The following FBXO25 variants were observed in gnomAD, a reference collection of about 807,000 sequenced individuals.
FBXO25 encodes the protein F-box only protein 25.
A neutral mutation model predicts 51.9 loss-of-function variants in FBXO25; 45 were observed. That is an observed-to-expected ratio of 0.87 (90% CI 0.68 to 1.11). The LOEUF (loss-of-function observed/expected upper bound fraction) is 1.11. Among genes scored for constraint, FBXO25 ranks in the 50% most tolerant of loss-of-function variants. The pLI is 0.00. For synonymous variants in FBXO25, 199 were observed against 151.0 expected, an observed-to-expected ratio of 1.32 and a Z score of -2.33; for missense variants, 507 against 428.5, an observed-to-expected ratio of 1.18 and a Z score of -1.62.
intron 1 of FBXO25, among the ~76,000 whole-genome samples, chr8:410,694 A>G (rs1410400954): frequency 6.6e-6 from 1 of 152,196 alleles, no homozygotes; most frequent in Non-Finnish European, 1.5e-5. Context: ...TGAGTTTTGC[A>G]TTTTAGGATG....
At chr8:467,065 G>A (rs1800211718) in intron 9 of FBXO25, among the ~76,000 whole-genome samples, 1 of 152,134 alleles carries the variant, frequency 6.6e-6, no homozygotes, top group South Asian at 2.1e-4. Context: ...AGCAAAGTTG[G>A]AGCCAGAATC....
intron 2 of FBXO25, among the ~76,000 whole-genome samples, chr8:417,940 G>A (rs538532103): frequency 8.5e-5 from 13 of 152,064 alleles, no homozygotes; most frequent in South Asian, 2.1e-4. Context: ...TAATAGAATC[G>A]TATATTTAAA....
chr8:449,902 T>C (rs1008494803), intron 5 of FBXO25, 88 bp from the exon 6 acceptor site: 1 of 871,034 alleles, frequency 1.1e-6, no homozygotes, highest in African/African-American at 1.7e-5. Context: ...ATGTTAGAAA[T>C]CTTCATGCAT....
chr8:434,236 C>T (rs1323287037), intron 4 of FBXO25, among the ~76,000 whole-genome samples: 5 of 152,100 alleles, frequency 3.3e-5, no homozygotes, highest in Non-Finnish European at 5.9e-5. Flanking sequence ...GGTGTCTCAC[C>T]GCTTCCGAGG....
At chr8:415,751 A>G (rs939943142) in intron 2 of FBXO25, among the ~76,000 whole-genome samples, 6 of 152,206 alleles carry the variant, frequency 3.9e-5, no homozygotes, top group Non-Finnish European at 8.8e-5. Context: ...TCTTCTCTCC[A>G]GCGTAGTGTT....
intron 8 of FBXO25, 88 bp from the exon 9 acceptor site, chr8:462,919 A>G (rs1799909699): frequency 6.9e-7 from 1 of 1,457,452 alleles, no homozygotes; most frequent in Non-Finnish European, 9.2e-7. Context: ...GAAATTAAAA[A>G]CTAAAATAAA....
Position 422,244 on chromosome 8 carries a change from A to G in FBXO25, c.134+9031A>G, listed in dbSNP as rs146259070. 9.8e-5 allele frequency among the ~76,000 whole-genome samples: 15 copies of G among 152,358 alleles called. 1 individual carries two copies. Among genetic ancestry groups the G allele is most frequent in the African/African-American group, 2.4e-4 (10 of 41,592 alleles). ...CCCCAACCAAGAACTCAAAGGTGGC[A>G]TCATATTGGCAGCAGGTACCTGTGG... On this transcript the variant is annotated intron_variant, in intron 2 of 9. Transcript: ENST00000350302.
At chr8:453,417 C>T (rs78068427) in intron 7 of FBXO25, among the ~76,000 whole-genome samples, 4,537 of 152,052 alleles carry the variant, frequency 0.03, 202 homozygotes, top group African/African-American at 0.091. Flanking sequence ...CTTCTAGCCT[C>T]GAGGAGGGTC....
At chr8:467,729 C>T (rs762304042) in intron 9 of FBXO25, 9 of 1,613,940 alleles carry the variant, frequency 5.6e-6, no homozygotes, top group East Asian at 2.2e-5. Context: ...GGACTACCAT[C>T]TTGCTTTACT....
Position 451,460 on chromosome 8 carries a change from A to G in FBXO25, c.660+7A>G, listed in dbSNP as rs761844002. 5 of 1,611,924 alleles carry G rather than the reference A, an allele frequency of 3.1e-6. No individual in the cohort carries two copies. The South Asian group carries it at 3.3e-5, about 11-fold the overall frequency. ...GGATCTTCAGATGACTAAGGTATAA[A>G]TATCTCGGCATAAGAGTTATTACAC... On this transcript the variant is annotated splice_region_variant and intron_variant, in intron 7 of 9. Coordinates refer to ENST00000350302, the MANE Select transcript of FBXO25 (RefSeq NM_183420.2).
chr8:413,603 A>ACTTTGCTCGTAACATTGTCAAG (rs1397221965), intron 2 of FBXO25, among the ~76,000 whole-genome samples: 2 of 152,134 alleles, frequency 1.3e-5, no homozygotes, highest in Non-Finnish European at 2.9e-5. Flanking sequence ...TGGCATGATG[A>ACTTTGCTCGTAACATTGTCAAG]CTTTGCTCGT....
rs528000402 is a variant in FBXO25, at chr8:463,960, C to CTA, written c.987+811_987+812insAT. Among the ~76,000 whole-genome samples, 840 of 147,922 alleles carry CTA rather than the reference C, an allele frequency of 5.7e-3. 6 individuals carry two copies. Among genetic ancestry groups the CTA allele is most frequent in the African/African-American group, 0.02 (808 of 39,762 alleles). ...GGTGCTACCACACCCAGCTAATTCA[C>CTA]TTCTTTTTTTTGTTTGTTTTTTTGA... On this transcript the variant is annotated intron_variant, in intron 9 of 9. Transcript: ENST00000350302.
chr8:419,171 C>G (rs1341053155), intron 2 of FBXO25, among the ~76,000 whole-genome samples: 1 of 151,792 alleles, frequency 6.6e-6, no homozygotes, highest in African/African-American at 2.4e-5. Context: ...ACCAGCCCGG[C>G]CAACATGGTG....
At chr8:434,064 T>C (rs1442078596) in intron 4 of FBXO25, among the ~76,000 whole-genome samples, 1 of 152,212 alleles carries the variant, frequency 6.6e-6, no homozygotes, top group Admixed American at 6.5e-5. Flanking sequence ...GAGGATCTTC[T>C]TGTGAGGCTG....
chr8:456,860 C>G (rs958992153), intron 7 of FBXO25, among the ~76,000 whole-genome samples: 1 of 152,092 alleles, frequency 6.6e-6, no homozygotes, highest in African/African-American at 2.4e-5. Context: ...GCTTCCATAG[C>G]GAGGACATTA....
chr8:411,228 C>T (rs905335443), intron 1 of FBXO25, among the ~76,000 whole-genome samples: 1 of 152,174 alleles, frequency 6.6e-6, no homozygotes, highest in Non-Finnish European at 1.5e-5. Flanking sequence ...CTTTCTGTAG[C>T]TAAATTCAAC....
chr8:434,430 A>C (rs1252985571), intron 4 of FBXO25, among the ~76,000 whole-genome samples: 2 of 152,204 alleles, frequency 1.3e-5, no homozygotes, highest in Non-Finnish European at 2.9e-5. Flanking sequence ...CTTTCCCCAG[A>C]GTTCCCAGGA....
In FBXO25 at chr8:476,286, G is replaced by C. The variant is rs1488036177; in HGVS notation, c.*7482G>C. ...GTTGGCCAGTATTTTGTTGAATATT[G>C]ATTTAAAAAAATCTTGATCAGGAAT... On this transcript the variant is annotated 3_prime_UTR_variant, in exon 10 of 10. Coordinates refer to ENST00000350302, the MANE Select transcript of FBXO25 (RefSeq NM_183420.2). 2.0e-5 allele frequency: 3 copies of C among 151,896 alleles called. No individual in the cohort carries two copies. The highest frequency in any genetic ancestry group is 7.3e-5 in the African/African-American group (3 of 41,326). 9.4% of individuals were successfully genotyped at this position (151,896 alleles called of 1,614,324 possible). A position where few individuals can be genotyped will look rare whatever the true frequency, so the allele number is the denominator to read the frequency against.
chr8:461,583 C>G (rs562684485), intron 8 of FBXO25, among the ~76,000 whole-genome samples: 4 of 152,196 alleles, frequency 2.6e-5, no homozygotes, highest in Admixed American at 6.5e-5. Context: ...ATTATGGGAA[C>G]TACAATTCAA....
Sources: gnomAD v4.1 joint callset for allele counts (sites outside exome capture counted in the v4.1 genomes callset) on GRCh38, gnomAD v4.1.1 for gene constraint, MANE v1.5 for transcripts, NCBI Gene and HGNC (gene_info 2026-07-23, HGNC 2026-07-21) for gene names.